ARSJ: variants seen among roughly 807,000 people sequenced by gnomAD.
The protein encoded by ARSJ is arylsulfatase family member J.
In ARSJ, 26 loss-of-function variants were observed where a neutral mutation model predicts 35.9. The observed-to-expected ratio is 0.72, with a 90% CI of 0.53 to 1.00. The LOEUF (loss-of-function observed/expected upper bound fraction) is 1.00. ARSJ is among the 50% of genes least tolerant of loss of function. The pLI is 0.00. For synonymous variants in ARSJ, 294 were observed against 267.6 expected, an observed-to-expected ratio of 1.10 and a Z score of -0.96; for missense variants, 667 against 723.6, an observed-to-expected ratio of 0.92 and a Z score of 0.90.
chr4:113,924,762 A>G (rs1723946175), intron 1 of ARSJ, among the ~76,000 whole-genome samples: 1 of 152,206 alleles, frequency 6.6e-6, no homozygotes, highest in Non-Finnish European at 1.5e-5. Context: ...TAAGTGTTAT[A>G]CATGCACAAA....
At chr4:113,976,222 T>C (rs193081599) in intron 1 of ARSJ, among the ~76,000 whole-genome samples, 1 of 152,340 alleles carries the variant, frequency 6.6e-6, no homozygotes, top group African/African-American at 2.4e-5. Flanking sequence ...TGTAAACTCT[T>C]TGTCATGTGA....
chr4:113,968,136 T>A (rs1727010048), intron 1 of ARSJ, among the ~76,000 whole-genome samples: 1 of 152,136 alleles, frequency 6.6e-6, no homozygotes, highest in South Asian at 2.1e-4. Flanking sequence ...TTCTACTTAA[T>A]CCTCATAATA....
chr4:113,915,421 G>C (rs1594400325), intron 1 of ARSJ, among the ~76,000 whole-genome samples: 2 of 152,052 alleles, frequency 1.3e-5, no homozygotes, highest in Non-Finnish European at 2.9e-5. Context: ...CTCATTTAGA[G>C]AGTAAGAAAA....
chr4:113,939,535 A>C (rs1032029090), intron 1 of ARSJ, among the ~76,000 whole-genome samples: 2 of 152,128 alleles, frequency 1.3e-5, no homozygotes, highest in Non-Finnish European at 2.9e-5. Context: ...CAACAGTGTA[A>C]AAGTGTTCCT....
chr4:113,963,001 T>A (rs1282633622), intron 1 of ARSJ, among the ~76,000 whole-genome samples: 4 of 152,140 alleles, frequency 2.6e-5, no homozygotes, highest in Middle Eastern at 6.8e-3. Flanking sequence ...CATTCACTCT[T>A]CTTTCTGCCT....
intron 1 of ARSJ, among the ~76,000 whole-genome samples, chr4:113,904,372 C>T (rs992112378): frequency 6.6e-6 from 1 of 152,156 alleles, no homozygotes; most frequent in Non-Finnish European, 1.5e-5. Context: ...ACCTAGGGGC[C>T]TTCTAAATCA....
rs184031346 is a variant in ARSJ, at chr4:113,977,604, T to G, written c.398+833A>C. 1.4e-4 allele frequency among the ~76,000 whole-genome samples: 22 copies of G among 152,338 alleles called. No homozygotes were observed. The East Asian group carries it at 4.2e-3, about 29-fold the overall frequency. On this transcript the variant is annotated intron_variant, in intron 1 of 1. Transcript: ENST00000315366. ...TTATCTTCGTTCCACAGGCTGAATT[T>G]GTACATCCAAATCAATTACAGTAGC...
intron 1 of ARSJ, among the ~76,000 whole-genome samples, chr4:113,910,726 T>A (rs2099670178): frequency 6.6e-6 from 1 of 152,150 alleles, no homozygotes; most frequent in African/African-American, 2.4e-5. Context: ...TTTAATCTCA[T>A]GAATAAGTGA....
rs1321252110 is a variant in ARSJ, at chr4:113,901,455, AT to A, written c.*818del. 7.7e-6 allele frequency: 1 copy of A among 129,832 alleles called. No individual in the cohort carries two copies. The highest frequency in any genetic ancestry group is 1.7e-5 in the Non-Finnish European group (1 of 57,204). 8.0% of individuals were successfully genotyped at this position (129,832 alleles called of 1,614,324 possible). A position where few individuals can be genotyped will look rare whatever the true frequency, so the allele number is the denominator to read the frequency against. On this transcript the variant is annotated 3_prime_UTR_variant, in exon 2 of 2. Transcript: ENST00000315366. The stretch of plus-strand genomic sequence containing the variant: ...GAAGAAATGAAATAAAATTATTCTA[AT>A]GGTATGCAGGAAATAAAAATAAAAT...
intron 1 of ARSJ, among the ~76,000 whole-genome samples, chr4:113,909,808 A>G (rs2099669893): frequency 1.3e-5 from 2 of 152,144 alleles, no homozygotes; most frequent in South Asian, 4.1e-4. Flanking sequence ...TCCTAACTAT[A>G]AGAATCCATG....
chr4:113,933,071 T>C (rs573227740), intron 1 of ARSJ, among the ~76,000 whole-genome samples: 1 of 151,856 alleles, frequency 6.6e-6, no homozygotes, highest in Non-Finnish European at 1.5e-5. Flanking sequence ...TTCGAGACTA[T>C]TACAGACAAC....
intron 1 of ARSJ, among the ~76,000 whole-genome samples, chr4:113,904,601 C>T (rs1375081476): frequency 6.6e-6 from 1 of 152,216 alleles, no homozygotes; most frequent in African/African-American, 2.4e-5. Flanking sequence ...TCTCCTGCCT[C>T]ACCCTCCGGA....
At chr4:113,920,423 A>G (rs574784228) in intron 1 of ARSJ, among the ~76,000 whole-genome samples, 1 of 152,296 alleles carries the variant, frequency 6.6e-6, no homozygotes, top group Admixed American at 6.5e-5. Flanking sequence ...CCAAATAACT[A>G]TTGGTGATAC....
intron 1 of ARSJ, among the ~76,000 whole-genome samples, chr4:113,913,667 A>G (rs13107911): frequency 0.71 from 107,665 of 152,010 alleles, 38,909 homozygotes; most frequent in East Asian, 0.81. Context: ...ACTCCATAAA[A>G]CAAGTGTACC....
At chr4:113,918,107 G>C (rs529009836) in intron 1 of ARSJ, among the ~76,000 whole-genome samples, 1 of 152,110 alleles carries the variant, frequency 6.6e-6, no homozygotes, top group South Asian at 2.1e-4. Flanking sequence ...TACCACTTTT[G>C]GTCAACTCTT....
intron 1 of ARSJ, chr4:113,970,415 A>T (rs1188958430): frequency 6.6e-6 from 1 of 152,256 alleles, no homozygotes; most frequent in African/African-American, 2.4e-5. Context: ...TATGCCATCC[A>T]TAAAATGTGG....
rs780463221 is a variant in ARSJ at position 113,903,221 on chromosome 4, T to C, written c.853A>G (p.Ile285Val). ...TATCTCCTCCTGTTTATGTTGATAA[T>C]GGATCGGTAGTGTTCGAAATACCTG... ...PGRYFEHYRS[I>V]ININRRRYAA... The change falls in exon 2 of 2, where the codon ATT becomes GTT. Residue 285 changes from isoleucine (I) to valine (V), a missense_variant. Transcript: ENST00000315366. 55 of 1,614,100 alleles carry C rather than the reference T, an allele frequency of 3.4e-5. 1 individual carries two copies. In the Admixed American group the frequency reaches 3.5e-4, roughly 10 times the overall value.
chr4:113,978,767 T>G lies in ARSJ; in HGVS notation c.68A>C (p.Lys23Thr). The G allele has an allele frequency of 1.9e-6, 3 of 1,614,214 alleles. No homozygotes were observed. The highest frequency in any genetic ancestry group is 8.5e-7 in the Non-Finnish European group (1 of 1,180,030). ...PSPQACVCPGKMLAMGALAGF... is the reference protein window; with the variant it reads ...PSPQACVCPGTMLAMGALAGF... ...TGCCAGCGCCCCCATTGCTAGCATCTTTCCAGGACAGACACAGGCCTGTGG... is the reference window on the plus strand; with the variant it reads ...TGCCAGCGCCCCCATTGCTAGCATCGTTCCAGGACAGACACAGGCCTGTGG... The change falls in exon 1 of 2, where the codon AAG becomes ACG. Residue 23 changes from lysine (K) to threonine (T), a missense_variant. Coordinates refer to ENST00000315366, the MANE Select transcript of ARSJ (RefSeq NM_024590.4).
Position 113,906,355 on chromosome 4 carries a change from G to A in ARSJ, c.399-2680C>T, listed in dbSNP as rs767878443. ...ATGAAAAACATAAAATACAGGAAAC[G>A]TTTGCAGAAAAAAAAGAAAGTAAGA... On this transcript the variant is annotated intron_variant, in intron 1 of 1. Coordinates refer to ENST00000315366, the MANE Select transcript of ARSJ (RefSeq NM_024590.4). 3.9e-5 allele frequency among the ~76,000 whole-genome samples: 6 copies of A among 152,066 alleles called. No individual in the cohort carries two copies. The South Asian group carries it at 6.2e-4, about 16-fold the overall frequency.
Sources: allele counts gnomAD v4.1 joint callset (sites outside exome capture counted in the v4.1 genomes callset), GRCh38; gene constraint gnomAD v4.1.1; transcripts MANE v1.5; gene names NCBI Gene and HGNC (gene_info 2026-07-23, HGNC 2026-07-21).